The following CAST variants were observed in gnomAD, a reference collection of about 807,000 sequenced individuals.
CAST encodes calpastatin.
A neutral mutation model predicts 119.6 loss-of-function variants in CAST; 76 were observed. That is an observed-to-expected ratio of 0.64 (90% CI 0.53 to 0.77). The LOEUF (loss-of-function observed/expected upper bound fraction) is 0.77. Among genes scored for constraint, CAST ranks in the 30% least tolerant of loss-of-function variants. The pLI, the probability that CAST is intolerant of heterozygous loss-of-function variation, is 0.00. For synonymous variants in CAST, 319 were observed against 331.6 expected (o/e 0.96, Z 0.41); for missense variants, 953 against 946.5 (o/e 1.01, Z -0.09).
At chr5:96,570,481 A>G (rs755496232) in intron 1 of CAST, among the ~76,000 whole-genome samples, 3 of 152,174 alleles carry the variant, frequency 2.0e-5, no homozygotes, top group Non-Finnish European at 4.4e-5. Context: ...GCAATTAATA[A>G]TAAAGGTGAA....
intron 1 of CAST, among the ~76,000 whole-genome samples, chr5:96,549,061 A>C (rs1377044577): frequency 6.6e-6 from 1 of 152,206 alleles, no homozygotes. Flanking sequence ...AGCACTCTCT[A>C]CTGGCAAGCG....
At chr5:96,034,106 AAATAAAT>A in the CAST span, among the ~76,000 whole-genome samples, 1 of 152,132 alleles carries the variant, frequency 6.6e-6, no homozygotes, top group Admixed American at 6.6e-5. Flanking sequence ...CCCTGTTTCT[AAATAAAT>A]AATAAATTTT....
chr5:96,160,198 A>G, the CAST span, among the ~76,000 whole-genome samples: 1 of 151,996 alleles, frequency 6.6e-6, no homozygotes, highest in East Asian at 1.9e-4. Context: ...TACAGCCATC[A>G]CCACTATATA....
chr5:96,699,733 A>G (rs1753669684), intron 3 of CAST, among the ~76,000 whole-genome samples: 1 of 152,136 alleles, frequency 6.6e-6, no homozygotes, highest in African/African-American at 2.4e-5. Flanking sequence ...TCTGGATCCT[A>G]CTTTGGGAAG....
At chr5:96,260,033 T>G in the CAST span, among the ~76,000 whole-genome samples, 3 of 152,138 alleles carry the variant, frequency 2.0e-5, no homozygotes, top group Non-Finnish European at 4.4e-5. Flanking sequence ...CTTTTCTTTT[T>G]TTTCCATACG....
At chr5:96,438,365 T>C in the CAST span, among the ~76,000 whole-genome samples, 1 of 152,156 alleles carries the variant, frequency 6.6e-6, no homozygotes, top group Non-Finnish European at 1.5e-5. Context: ...ATTGATACAA[T>C]ATTCTTAACT....
the CAST span, among the ~76,000 whole-genome samples, chr5:96,046,352 C>T: frequency 6.6e-6 from 1 of 152,168 alleles, no homozygotes; most frequent in African/African-American, 2.4e-5. Context: ...ACCTATTAGG[C>T]TGGAGTGCCA....
intron 1 of CAST, among the ~76,000 whole-genome samples, chr5:96,576,416 C>T (rs1746670038): frequency 6.6e-6 from 1 of 152,080 alleles, no homozygotes; most frequent in Non-Finnish European, 1.5e-5. Flanking sequence ...ACAATCTTGG[C>T]TCACTGCAAT....
chr5:96,510,858 C>T, the CAST span, among the ~76,000 whole-genome samples: 1 of 152,118 alleles, frequency 6.6e-6, no homozygotes, highest in African/African-American at 2.4e-5. Flanking sequence ...ATAGAAAAAA[C>T]AAGACTGAGA....
chr5:96,280,482 TAAGTCTCTGTAC>T, the CAST span, among the ~76,000 whole-genome samples: 1 of 152,194 alleles, frequency 6.6e-6, no homozygotes, highest in African/African-American at 2.4e-5. Flanking sequence ...TGCTTATAGG[TAAGTCTCTGTAC>T]GGAGAGAGCC....
At chr5:96,474,534 C>T in the CAST span, among the ~76,000 whole-genome samples, 4 of 152,192 alleles carry the variant, frequency 2.6e-5, no homozygotes, top group African/African-American at 9.7e-5. Context: ...ATGTGGCTCT[C>T]CTTCTCATCA....
intron 1 of CAST, among the ~76,000 whole-genome samples, chr5:96,584,304 G>A (rs1211939410): frequency 4.6e-5 from 7 of 152,210 alleles, no homozygotes; most frequent in Admixed American, 3.9e-4. Context: ...AGCTCAGGCA[G>A]TAATGCTGCC....
At chr5:96,487,747 G>A in the CAST span, among the ~76,000 whole-genome samples, 4 of 152,110 alleles carry the variant, frequency 2.6e-5, no homozygotes, top group African/African-American at 7.2e-5. Context: ...CTTAGATAAG[G>A]GCAGATCCAA....
the CAST span, among the ~76,000 whole-genome samples, chr5:96,340,228 G>A: frequency 6.6e-6 from 1 of 152,152 alleles, no homozygotes; most frequent in African/African-American, 2.4e-5. Context: ...CCAGGATCTG[G>A]AACATTTTCT....
At chr5:96,765,957 G>GA in intron 26 of CAST, 96 bp from the exon 27 acceptor site, 1 of 743,846 alleles carries the variant, frequency 1.3e-6, no homozygotes, top group South Asian at 1.7e-5. Context: ...TTTGCCTCAT[G>GA]AAAGTACAAC....
the CAST span, among the ~76,000 whole-genome samples, chr5:96,344,362 T>G: frequency 6.6e-6 from 1 of 151,932 alleles, no homozygotes; most frequent in Non-Finnish European, 1.5e-5. Context: ...CCAAATATGG[T>G]TTTTTTTCTC....
At chr5:95,992,448 C>A in the CAST span, among the ~76,000 whole-genome samples, 11 of 150,448 alleles carry the variant, frequency 7.3e-5, no homozygotes, top group South Asian at 4.2e-4. Flanking sequence ...CTAGTCTAAT[C>A]ATGAGAAAAA....
chr5:96,008,848 A>G, the CAST span, among the ~76,000 whole-genome samples: 2 of 152,222 alleles, frequency 1.3e-5, no homozygotes, highest in South Asian at 4.1e-4. Context: ...TTTTAGATAC[A>G]AGGAGTACAT....
the CAST span, among the ~76,000 whole-genome samples, chr5:96,067,173 A>T: frequency 6.6e-6 from 1 of 152,228 alleles, no homozygotes; most frequent in Non-Finnish European, 1.5e-5. Context: ...AGTTAATGCC[A>T]TGTAAAAATA....
Sources: gnomAD v4.1 joint callset for allele counts (sites outside exome capture counted in the v4.1 genomes callset) on GRCh38, gnomAD v4.1.1 for gene constraint, MANE v1.5 for transcripts, NCBI Gene and HGNC (gene_info 2026-07-23, HGNC 2026-07-21) for gene names.